The following GABRG1 variants were observed in gnomAD, a reference collection of about 807,000 sequenced individuals.
GABRG1 encodes gamma-aminobutyric acid type A receptor subunit gamma1, also known as gamma-aminobutyric acid receptor subunit gamma-1.
A neutral mutation model predicts 49.8 loss-of-function variants in GABRG1; 49 were observed. That is an observed-to-expected ratio of 0.98 (90% CI 0.78 to 1.25). GABRG1 has a LOEUF of 1.25. GABRG1 is among the 50% of genes most tolerant of loss of function. The probability of loss-of-function intolerance (pLI) is 0.00; values close to 1 mark genes in which losing one functional copy is unlikely to be tolerated. For missense variants in GABRG1, 552 were observed against 552.3 expected, an observed-to-expected ratio of 1.00 and a Z score of 0.01; for synonymous variants, 232 against 185.1, an observed-to-expected ratio of 1.25 and a Z score of -2.06.
chr4:46,056,179 A>AAAAAAAC (rs1718436664), intron 7 of GABRG1, among the ~76,000 whole-genome samples: 1 of 147,614 alleles, frequency 6.8e-6, no homozygotes, highest in Non-Finnish European at 1.5e-5. Flanking sequence ...AAAAAAAAAA[A>AAAAAAAC]ATAGTCTCCC....
At chr4:46,098,760 C>A (rs1720276052) in intron 1 of GABRG1, among the ~76,000 whole-genome samples, 2 of 151,588 alleles carry the variant, frequency 1.3e-5, no homozygotes, top group Non-Finnish European at 1.5e-5. Flanking sequence ...AGTGGCCAAA[C>A]AAATCCTGAA....
At chr4:46,061,907 G>A (rs184638062) in intron 5 of GABRG1, among the ~76,000 whole-genome samples, 4 of 147,562 alleles carry the variant, frequency 2.7e-5, no homozygotes, top group African/African-American at 1.0e-4. Flanking sequence ...TTCAGTTTTA[G>A]GGTACATGTG....
At chr4:46,049,450 A>G (rs1322533386) in intron 8 of GABRG1, among the ~76,000 whole-genome samples, 4 of 151,922 alleles carry the variant, frequency 2.6e-5, no homozygotes, top group African/African-American at 9.7e-5. Flanking sequence ...AAAAGAGACT[A>G]TCAAACTTCA....
intron 3 of GABRG1, among the ~76,000 whole-genome samples, chr4:46,072,014 C>G (rs1413359910): frequency 6.6e-6 from 1 of 152,084 alleles, no homozygotes; most frequent in Non-Finnish European, 1.5e-5. Context: ...CCCAGAGCAA[C>G]TTCCCTGTCT....
rs753193103 is a variant in GABRG1 at position 46,065,389 on chromosome 4, C to T, written c.517G>A (p.Asp173Asn). ...TPNRLLRIWN[D>N]GRVLYTLRLT... ...CTTAGAGTATACAGAACTCGTCCAT[C>T]ATTCCAAATTCGAAGCAGACGATTA... Residue 173 changes from aspartate (D) to asparagine (N), a missense_variant, in exon 4 of 9, where the codon GAT becomes AAT. By Grantham distance (23) the Asp-to-Asn change is conservative (BLOSUM62 1). Transcript: ENST00000295452. 8.7e-6 allele frequency: 14 copies of T among 1,610,096 alleles called. No individual in the cohort carries two copies. In the Admixed American group the frequency reaches 1.8e-4, roughly 21 times the overall value.
intron 8 of GABRG1, among the ~76,000 whole-genome samples, chr4:46,049,940 C>G (rs558467809): frequency 6.6e-6 from 1 of 151,896 alleles, no homozygotes; most frequent in South Asian, 2.1e-4. Context: ...TGTACATTGC[C>G]TGGCCTCTAT....
intron 1 of GABRG1, among the ~76,000 whole-genome samples, chr4:46,121,955 C>A (rs1721100422): frequency 6.6e-6 from 1 of 152,046 alleles, no homozygotes; most frequent in Non-Finnish European, 1.5e-5. Flanking sequence ...TTAGATAAAA[C>A]AGTGAAGCAA....
At chr4:46,064,546 A>T (rs1458545356) in intron 4 of GABRG1, 23 bp from the exon 5 acceptor site, 16 of 1,199,964 alleles carry the variant, frequency 1.3e-5, no homozygotes, top group Non-Finnish European at 1.7e-5. Flanking sequence ...AAAGAAAAGT[A>T]TTAAATAAAG....
intron 1 of GABRG1, among the ~76,000 whole-genome samples, chr4:46,121,322 T>A (rs28641517): frequency 6.6e-6 from 1 of 151,812 alleles, no homozygotes. Context: ...GAGAGAAATA[T>A]GATCGTACAT....
At chr4:46,097,153 GAT>G (rs1553882911) in intron 2 of GABRG1, 46 bp downstream of exon 2, 6 of 1,452,718 alleles carry the variant, frequency 4.1e-6, no homozygotes, top group Non-Finnish European at 5.6e-6. Context: ...TACCAGTAAT[GAT>G]ATGTTTAATG....
At chr4:46,059,900 T>C (rs1718607242) in intron 5 of GABRG1, among the ~76,000 whole-genome samples, 1 of 152,196 alleles carries the variant, frequency 6.6e-6, no homozygotes, top group South Asian at 2.1e-4. Context: ...ATTGCTTCTT[T>C]GAGGAACTGC....
chr4:46,060,248 G>A (rs974243946), intron 5 of GABRG1, among the ~76,000 whole-genome samples: 102 of 134,430 alleles, frequency 7.6e-4, no homozygotes, highest in African/African-American at 2.4e-3. Flanking sequence ...TTTAGCTTTC[G>A]GTGGTTGTAT....
intron 1 of GABRG1, among the ~76,000 whole-genome samples, chr4:46,122,450 C>T (rs73146838): frequency 0.097 from 14,662 of 151,734 alleles, 1,775 homozygotes; most frequent in African/African-American, 0.29. Context: ...TAAGCCATTA[C>T]GACACAATAT....
At chr4:46,048,836 A>AT (rs1275972219) in intron 8 of GABRG1, among the ~76,000 whole-genome samples, 2 of 151,946 alleles carry the variant, frequency 1.3e-5, no homozygotes, top group Non-Finnish European at 2.9e-5. Flanking sequence ...ATCAATTTAT[A>AT]TTTTTAGGTG....
chr4:46,113,925 A>G (rs1252336375), intron 1 of GABRG1, among the ~76,000 whole-genome samples: 1 of 151,194 alleles, frequency 6.6e-6, no homozygotes, highest in Non-Finnish European at 1.5e-5. Flanking sequence ...TTCAGGGAAA[A>G]GTTCCAGAAA....
intron 1 of GABRG1, among the ~76,000 whole-genome samples, chr4:46,117,731 T>C (rs1182581027): frequency 6.9e-6 from 1 of 144,430 alleles, no homozygotes; most frequent in East Asian, 2.0e-4. Context: ...CATATACATA[T>C]ATACATATAC....
At chr4:46,115,113 A>C (rs1720843724) in intron 1 of GABRG1, among the ~76,000 whole-genome samples, 1 of 150,924 alleles carries the variant, frequency 6.6e-6, no homozygotes, top group African/African-American at 2.4e-5. Flanking sequence ...TAAGTAGAAC[A>C]ATCAACATGA....
rs1022808844 is a variant in GABRG1, at chr4:46,036,075, T to G, written c.*4913A>C. 4 of 151,980 alleles carry G rather than the reference T, an allele frequency of 2.6e-5. No homozygotes were observed. The highest frequency in any genetic ancestry group is 6.6e-5 in the Admixed American group (1 of 15,230). The allele number at this position is 151,980 out of a possible 1,614,324, so 9.4% of individuals were successfully genotyped here. ...TCAAAAGTCTTCTAATTAGCCCTTTTTGCTTAGCTGCATTTCAGTTATCAC... is the reference window on the plus strand; with the variant it reads ...TCAAAAGTCTTCTAATTAGCCCTTTGTGCTTAGCTGCATTTCAGTTATCAC... On this transcript the variant is annotated 3_prime_UTR_variant, in exon 9 of 9. Transcript: ENST00000295452.
At chr4:46,102,443 T>C (rs570601685) in intron 1 of GABRG1, among the ~76,000 whole-genome samples, 3 of 151,848 alleles carry the variant, frequency 2.0e-5, no homozygotes, top group African/African-American at 7.2e-5. Context: ...TCAGATTCTT[T>C]TGATCCAAAC....
Sources: allele counts gnomAD v4.1 joint callset (sites outside exome capture counted in the v4.1 genomes callset), GRCh38; gene constraint gnomAD v4.1.1; transcripts MANE v1.5; gene names NCBI Gene and HGNC (gene_info 2026-07-23, HGNC 2026-07-21).